REXO5: variants seen among roughly 807,000 people sequenced by gnomAD.
REXO5 encodes the protein exonuclease NEF-sp.
Under a neutral mutation model 88.5 loss-of-function variants are expected in REXO5, and 48 were observed. That is an observed-to-expected ratio of 0.54 (90% CI 0.43 to 0.69). The LOEUF (loss-of-function observed/expected upper bound fraction) is 0.69, where lower values mean the gene tolerates loss of function less well. Ranked by LOEUF, REXO5 falls within the 30% of genes least tolerant of loss-of-function variation. The pLI is 0.00. For synonymous variants in REXO5, 311 were observed against 336.5 expected, an observed-to-expected ratio of 0.92 and a Z score of 0.83; for missense variants, 749 against 912.2, an observed-to-expected ratio of 0.82 and a Z score of 2.30.
At chr16:20,811,360 G>T (rs771856046) in intron 2 of REXO5, among the ~76,000 whole-genome samples, 5 of 152,178 alleles carry the variant, frequency 3.3e-5, no homozygotes, top group Non-Finnish European at 5.9e-5. Context: ...ATGTACAAAG[G>T]TGTCTGTACA....
chr16:20,822,159 A>G (rs1319158043), intron 6 of REXO5, among the ~76,000 whole-genome samples: 1 of 152,216 alleles, frequency 6.6e-6, no homozygotes, highest in African/African-American at 2.4e-5. Flanking sequence ...TTAATAAGAA[A>G]GTTATTCCCT....
At chr16:20,821,720 T>C (rs1238595708) in intron 5 of REXO5, 42 bp from the exon 6 acceptor site, 2 of 1,518,808 alleles carry the variant, frequency 1.3e-6, no homozygotes, top group African/African-American at 2.8e-5. Flanking sequence ...CTAGGGTTCT[T>C]AAACACACAT....
At chr16:20,829,408 A>G (rs572255957) in intron 11 of REXO5, among the ~76,000 whole-genome samples, 2 of 152,324 alleles carry the variant, frequency 1.3e-5, no homozygotes, top group Admixed American at 1.3e-4. Context: ...AGAACAACAC[A>G]TAAGGGAGAC....
chr16:20,821,852 G>A lies in REXO5; in HGVS notation c.566G>A (p.Arg189Lys). ...KYGSKKVGLTRCLLTKEEMRT... is the reference protein window; with the variant it reads ...KYGSKKVGLTKCLLTKEEMRT... ...GGCTCTAAGAAAGTGGGCTTGACCA[G>A]ATGCCTTCTGACAAAGGAGGAAATG... Residue 189 changes from arginine to lysine, a missense_variant, in exon 6 of 20, where the codon AGA becomes AAA. By Grantham distance (26) the Arg-to-Lys change is conservative (BLOSUM62 2). Transcript: ENST00000261377. 1 of 1,605,920 alleles carries A rather than the reference G, an allele frequency of 6.2e-7. No homozygotes were observed. Among genetic ancestry groups the A allele is most frequent in the African/African-American group, 1.3e-5 (1 of 74,608 alleles).
intron 6 of REXO5, among the ~76,000 whole-genome samples, chr16:20,823,841 A>G (rs2081222992): frequency 1.3e-5 from 2 of 152,228 alleles, no homozygotes; most frequent in Admixed American, 1.3e-4. Flanking sequence ...CCTTAAATCT[A>G]TAGCTGAGCC....
At chr16:20,829,719 A>G (rs2081312200) in intron 11 of REXO5, among the ~76,000 whole-genome samples, 1 of 152,192 alleles carries the variant, frequency 6.6e-6, no homozygotes. Flanking sequence ...TGAGTTAGCT[A>G]TTATCATTCC....
chr16:20,806,459 A>T (rs758192694), upstream of REXO5: 38 of 1,551,438 alleles, frequency 2.4e-5, no homozygotes, highest in Non-Finnish European at 3.0e-5. Context: ...TTCCAAGTCC[A>T]GCTGCCGGAA....
chr16:20,814,432 G>A (rs1169977944), intron 3 of REXO5, among the ~76,000 whole-genome samples: 1 of 151,954 alleles, frequency 6.6e-6, no homozygotes, highest in African/African-American at 2.4e-5. Flanking sequence ...AGTAGAGATG[G>A]GGTTTCGCCA....
At chr16:20,831,472 T>C (rs1483299180) in intron 11 of REXO5, among the ~76,000 whole-genome samples, 1 of 152,152 alleles carries the variant, frequency 6.6e-6, no homozygotes, top group Admixed American at 6.5e-5. Flanking sequence ...TTACTATTGG[T>C]TCATTAATTG....
intron 13 of REXO5, 145 bp downstream of exon 13, chr16:20,833,268 G>C (rs1176599682): frequency 1.2e-6 from 1 of 803,068 alleles, no homozygotes; most frequent in Non-Finnish European, 1.9e-6. Flanking sequence ...ATCTTGTATG[G>C]AGTACCTAAG....
rs1190758693 is a variant in REXO5, at chr16:20,827,546, G to T, written c.1055+99G>T. 1.1e-5 allele frequency: 9 copies of T among 825,992 alleles called. No homozygotes were observed. The Admixed American group carries it at 1.5e-4, about 14-fold the overall frequency. The allele number at this position is 825,992 out of a possible 1,614,324, so 51.2% of individuals were successfully genotyped here. A position where few individuals can be genotyped will look rare whatever the true frequency, so the allele number is the denominator to read the frequency against. ...GCATATTGCAAAATTCAGGGTTTCT[G>T]CTCTCTTTGCTTTAAACATGTTTTT... is the stretch of plus-strand genomic sequence containing the variant. On this transcript the variant is annotated intron_variant, in intron 10 of 19. Transcript: ENST00000261377.
At chr16:20,846,676 C>A (rs1158843380) in intron 19 of REXO5, among the ~76,000 whole-genome samples, 3 of 152,144 alleles carry the variant, frequency 2.0e-5, no homozygotes, top group Non-Finnish European at 4.4e-5. Flanking sequence ...TAGGTGTAAC[C>A]ACTCTACATG....
At chr16:20,826,872 A>AT (rs1158589305) in intron 8 of REXO5, among the ~76,000 whole-genome samples, 186 bp from the exon 9 acceptor site, 1 of 152,232 alleles carries the variant, frequency 6.6e-6, no homozygotes, top group Non-Finnish European at 1.5e-5. Flanking sequence ...ATTTACTAAA[A>AT]TGTAAAAAAG....
intron 1 of REXO5, 109 bp from the exon 2 acceptor site, chr16:20,806,843 G>C: frequency 7.0e-7 from 1 of 1,428,722 alleles, no homozygotes; most frequent in Non-Finnish European, 9.3e-7. Flanking sequence ...AAGCGGATCC[G>C]AGGGAGGTTG....
intron 2 of REXO5, among the ~76,000 whole-genome samples, chr16:20,808,328 TTTTG>T (rs1264638984): frequency 6.6e-6 from 1 of 152,178 alleles, no homozygotes; most frequent in African/African-American, 2.4e-5. Context: ...CATTGGGCTT[TTTTG>T]TTTGTTTTTG....
chr16:20,815,181 G>T, intron 4 of REXO5, 128 bp downstream of exon 4: 1 of 848,480 alleles, frequency 1.2e-6, no homozygotes, highest in Non-Finnish European at 1.7e-6. Context: ...AAAGCAAAAA[G>T]ACCTTAGAGG....
chr16:20,819,958 G>C (rs983023599), intron 5 of REXO5, among the ~76,000 whole-genome samples: 1 of 152,046 alleles, frequency 6.6e-6, no homozygotes, highest in Non-Finnish European at 1.5e-5. Context: ...GTCTTGCTCC[G>C]TTGCCTAGGG....
At chr16:20,841,825 C>T (rs1056219820) in intron 15 of REXO5, among the ~76,000 whole-genome samples, 26 of 152,162 alleles carry the variant, frequency 1.7e-4, no homozygotes, top group African/African-American at 5.5e-4. Context: ...AGGCTGGTCG[C>T]GAACTCCTGA....
chr16:20,832,950 G>A, intron 12 of REXO5, 53 bp from the exon 13 acceptor site: 1 of 1,548,826 alleles, frequency 6.5e-7, no homozygotes, highest in South Asian at 1.2e-5. Flanking sequence ...AGAAATAACT[G>A]TCAGGTTCTG....
Sources: allele counts gnomAD v4.1 joint callset (sites outside exome capture counted in the v4.1 genomes callset), GRCh38; gene constraint gnomAD v4.1.1; transcripts MANE v1.5; gene names NCBI Gene and HGNC (gene_info 2026-07-23, HGNC 2026-07-21).